The following NEO1 variants were observed in gnomAD, a reference collection of about 807,000 sequenced individuals.
The protein encoded by NEO1 is neogenin.
NEO1 carries 63 observed loss-of-function variants against 159.7 expected under a neutral mutation model. The observed-to-expected ratio is 0.39, with a 90% confidence interval of 0.32 to 0.49. NEO1 has a LOEUF of 0.49. Ranked by LOEUF, NEO1 falls within the 20% of genes least tolerant of loss-of-function variation. The pLI, the probability that NEO1 is intolerant of heterozygous loss-of-function variation, is 0.85. For synonymous variants in NEO1, 633 were observed against 662.0 expected (o/e 0.96, Z 0.67); for missense variants, 1,615 against 1,831.0 (o/e 0.88, Z 2.15).
At chr15:73,257,928 G>C (rs1234917749) in intron 13 of NEO1, among the ~76,000 whole-genome samples, 1 of 152,154 alleles carries the variant, frequency 6.6e-6, no homozygotes, top group African/African-American at 2.4e-5. Flanking sequence ...CAGGCATTTT[G>C]CTCCTGCCTT....
intron 1 of NEO1, among the ~76,000 whole-genome samples, chr15:73,102,618 T>C (rs2070464423): frequency 1.3e-5 from 2 of 152,298 alleles, no homozygotes; most frequent in South Asian, 4.1e-4. Flanking sequence ...CATCTTCCTT[T>C]CTGATATATT....
At chr15:73,131,345 A>G (rs902065144) in intron 4 of NEO1, among the ~76,000 whole-genome samples, 1 of 152,262 alleles carries the variant, frequency 6.6e-6, no homozygotes, top group Non-Finnish European at 1.5e-5. Flanking sequence ...AGAAATCTCA[A>G]CGAAGAAAGA....
chr15:73,186,119 C>T (rs1200333037), intron 7 of NEO1, among the ~76,000 whole-genome samples: 5 of 149,950 alleles, frequency 3.3e-5, no homozygotes, highest in African/African-American at 7.4e-5. Flanking sequence ...AGAAGAAAGA[C>T]ACATTACATA....
At chr15:73,160,441 C>T (rs1355338664) in intron 5 of NEO1, among the ~76,000 whole-genome samples, 1 of 152,084 alleles carries the variant, frequency 6.6e-6, no homozygotes, top group African/African-American at 2.4e-5. Flanking sequence ...TCACCATTTC[C>T]ATGTAGAGAT....
intron 3 of NEO1, among the ~76,000 whole-genome samples, chr15:73,124,961 A>T (rs551067290): frequency 4.0e-4 from 61 of 152,294 alleles, no homozygotes; most frequent in African/African-American, 1.4e-3. Context: ...AAAAAGAACT[A>T]TTGCCATATA....
chr15:73,178,566 C>A, intron 7 of NEO1, 139 bp downstream of exon 7: 3 of 896,792 alleles, frequency 3.3e-6, no homozygotes, highest in South Asian at 3.5e-5. Context: ...GAATAGCAGT[C>A]TAAATCATTT....
chr15:73,104,031 A>G (rs1289953852), intron 1 of NEO1, among the ~76,000 whole-genome samples: 1 of 151,928 alleles, frequency 6.6e-6, no homozygotes, highest in Non-Finnish European at 1.5e-5. Flanking sequence ...ATTTTTTTAA[A>G]TGTATTTTTT....
chr15:73,275,374 G>A (rs7178454), intron 21 of NEO1, among the ~76,000 whole-genome samples: 49 of 152,236 alleles, frequency 3.2e-4, no homozygotes, highest in African/African-American at 1.0e-3. Flanking sequence ...CTTAGGCCAC[G>A]TACGGTGGCT....
chr15:73,160,035 G>A (rs2034058472), intron 5 of NEO1, among the ~76,000 whole-genome samples: 1 of 151,914 alleles, frequency 6.6e-6, no homozygotes, highest in Non-Finnish European at 1.5e-5. Context: ...GTTTTTATTT[G>A]TAATTTTTTT....
chr15:73,220,851 C>G (rs2038206697), intron 7 of NEO1, among the ~76,000 whole-genome samples: 1 of 152,114 alleles, frequency 6.6e-6, no homozygotes, highest in Admixed American at 6.5e-5. Flanking sequence ...AAGTTTTCAA[C>G]TTCTTTGCCT....
chr15:73,052,739 C>T lies in NEO1; in HGVS notation c.64C>T (p.Leu22=). The T allele has an allele frequency of 7.6e-6, 10 of 1,314,832 alleles. No homozygotes were observed. The highest frequency in any genetic ancestry group is 9.8e-6 in the Non-Finnish European group (10 of 1,025,472). The allele number at this position is 1,314,832 out of a possible 1,614,324, so 81.4% of individuals were successfully genotyped here. Residue 22 remains leucine (L), a synonymous_variant, in exon 1 of 29, where the codon CTG becomes TTG. Transcript: ENST00000261908. ...STPSFWLYCL[L]LLGRRAPGAA... is the part of the protein sequence containing the mutation. ...CCCCTCCTTCTGGCTCTACTGCCTG[C>T]TGCTGCTCGGGCGCCGGGCGCCGGG...
chr15:73,096,138 A>G (rs948354168), intron 1 of NEO1, among the ~76,000 whole-genome samples: 5 of 152,226 alleles, frequency 3.3e-5, no homozygotes, highest in South Asian at 2.1e-4. Flanking sequence ...GCAGCAGATC[A>G]TCTACATCCA....
intron 28 of NEO1, 70 bp from the exon 29 acceptor site, chr15:73,302,543 C>G (rs1308732342): frequency 1.4e-6 from 2 of 1,436,980 alleles, no homozygotes; most frequent in Non-Finnish European, 1.9e-6. Flanking sequence ...AGGCTTTGGC[C>G]TCTCTCTGGG....
chr15:73,130,619 C>T (rs2151712652), intron 4 of NEO1, among the ~76,000 whole-genome samples: 1 of 152,346 alleles, frequency 6.6e-6, no homozygotes, highest in East Asian at 1.9e-4. Context: ...AGTGAAGCAT[C>T]TCAGCCTCCT....
rs182860358 is a variant in NEO1 at position 73,276,262 on chromosome 15, A to G, written c.3193+1538A>G. On this transcript the variant is annotated intron_variant, in intron 21 of 28. Coordinates refer to ENST00000261908, the MANE Select transcript of NEO1 (RefSeq NM_002499.4). ...TCATAGTTTACATTCAAGAGAAACA[A>G]TGTTGGGAAATACAGGAATATAAAC... 3.1e-3 allele frequency among the ~76,000 whole-genome samples: 476 copies of G among 152,296 alleles called. 2 individuals carry two copies. Among genetic ancestry groups the G allele is most frequent in the African/African-American group, 0.011 (452 of 41,556 alleles).
At chr15:73,286,194 G>C (rs910866234) in intron 23 of NEO1, among the ~76,000 whole-genome samples, 1 of 150,316 alleles carries the variant, frequency 6.7e-6, no homozygotes. Flanking sequence ...CCATGCATCA[G>C]CCCTTTCTAA....
At chr15:73,285,280 C>A (rs559688083) in intron 23 of NEO1, among the ~76,000 whole-genome samples, 45 of 151,838 alleles carry the variant, frequency 3.0e-4, no homozygotes, top group Admixed American at 3.0e-3. Flanking sequence ...CCACCATGCC[C>A]GGCTAATTTT....
intron 1 of NEO1, among the ~76,000 whole-genome samples, chr15:73,116,262 A>T (rs1294247236): frequency 1.3e-5 from 2 of 152,180 alleles, no homozygotes; most frequent in African/African-American, 4.8e-5. Flanking sequence ...AGGGTTTGAA[A>T]TAAAACTTTT....
chr15:73,298,831 T>A (rs2042483235), intron 27 of NEO1, among the ~76,000 whole-genome samples: 1 of 152,210 alleles, frequency 6.6e-6, no homozygotes, highest in Non-Finnish European at 1.5e-5. Context: ...AATAATTTGC[T>A]GGGAACCAAG....
Sources: allele counts gnomAD v4.1 joint callset (sites outside exome capture counted in the v4.1 genomes callset), GRCh38; gene constraint gnomAD v4.1.1; transcripts MANE v1.5; gene names NCBI Gene and HGNC (gene_info 2026-07-23, HGNC 2026-07-21).